ANKS1B: variants seen among roughly 807,000 people sequenced by gnomAD.
ANKS1B encodes ankyrin repeat and sterile alpha motif domain containing 1B, also known as ankyrin repeat and sterile alpha motif domain-containing protein 1B.
Under a neutral mutation model 148.3 loss-of-function variants are expected in ANKS1B, and 36 were observed. The observed-to-expected ratio is 0.24, with a 90% CI of 0.19 to 0.32. The LOEUF is 0.32. ANKS1B is among the 10% of genes least tolerant of loss of function. The pLI is 1.00. For synonymous variants in ANKS1B, 542 were observed against 560.8 expected (o/e 0.97, Z 0.47); for missense variants, 1,157 against 1,542.6 (o/e 0.75, Z 4.19).
At chr12:99,313,559 C>G (rs997104808) in intron 12 of ANKS1B, among the ~76,000 whole-genome samples, 1 of 152,178 alleles carries the variant, frequency 6.6e-6, no homozygotes, top group African/African-American at 2.4e-5. Context: ...CATCAAAAAG[C>G]TTAGCCACCA....
At chr12:99,170,348 T>C (rs2077621692) in intron 14 of ANKS1B, among the ~76,000 whole-genome samples, 1 of 152,150 alleles carries the variant, frequency 6.6e-6, no homozygotes. Context: ...CCTGGCTCTT[T>C]TCCATGATTT....
At chr12:99,203,550 A>G (rs2082310812) in intron 14 of ANKS1B, among the ~76,000 whole-genome samples, 1 of 150,834 alleles carries the variant, frequency 6.6e-6, no homozygotes, top group African/African-American at 2.4e-5. Flanking sequence ...CTCCGGGTGC[A>G]CGCCATTCTC....
At chr12:99,754,693 T>C (rs1232405715) in intron 8 of ANKS1B, among the ~76,000 whole-genome samples, 1 of 152,108 alleles carries the variant, frequency 6.6e-6, no homozygotes, top group Non-Finnish European at 1.5e-5. Context: ...GACTAAGAAA[T>C]TCACTCAAAG....
At chr12:99,358,811 G>A (rs1388096125) in intron 12 of ANKS1B, among the ~76,000 whole-genome samples, 1 of 152,026 alleles carries the variant, frequency 6.6e-6, no homozygotes, top group African/African-American at 2.4e-5. Context: ...AGAACAACAG[G>A]TAAAACTGAC....
At chr12:98,877,395 T>C (rs11109643) in intron 17 of ANKS1B, among the ~76,000 whole-genome samples, 17,698 of 152,272 alleles carry the variant, frequency 0.12, 1,102 homozygotes, top group Middle Eastern at 0.16. Flanking sequence ...AGTTAAAGCT[T>C]ATTTTGAATG....
intron 19 of ANKS1B, among the ~76,000 whole-genome samples, chr12:98,818,421 A>G (rs2099159365): frequency 6.6e-6 from 1 of 152,210 alleles, no homozygotes; most frequent in Non-Finnish European, 1.5e-5. Context: ...TCCCTTTACA[A>G]GAAAAAAATA....
intron 1 of ANKS1B, among the ~76,000 whole-genome samples, chr12:99,942,360 T>C (rs1207936985): frequency 2.0e-5 from 3 of 152,104 alleles, no homozygotes; most frequent in African/African-American, 7.2e-5. Flanking sequence ...ATTAGTGATA[T>C]TTGAGAGAGC....
intron 1 of ANKS1B, among the ~76,000 whole-genome samples, chr12:99,850,409 C>G (rs1448583460): frequency 6.6e-6 from 1 of 151,280 alleles, no homozygotes; most frequent in African/African-American, 2.4e-5. Flanking sequence ...TTTTTATAAA[C>G]TCTTTTCTCT....
chr12:98,855,962 T>C (rs544988269), intron 17 of ANKS1B, among the ~76,000 whole-genome samples: 9 of 152,354 alleles, frequency 5.9e-5, no homozygotes, highest in Middle Eastern at 3.4e-3. Flanking sequence ...CTCAGACCTA[T>C]GCTTTAAAGC....
intron 20 of ANKS1B, among the ~76,000 whole-genome samples, chr12:98,803,551 T>C (rs1470693499): frequency 6.6e-6 from 1 of 152,198 alleles, no homozygotes; most frequent in Non-Finnish European, 1.5e-5. Flanking sequence ...TGTCTGCTGA[T>C]GTGACAACTC....
At chr12:98,759,707 T>C (rs1048207295) in intron 25 of ANKS1B, among the ~76,000 whole-genome samples, 20 of 152,238 alleles carry the variant, frequency 1.3e-4, no homozygotes, top group African/African-American at 4.3e-4. Flanking sequence ...AGAGGACTGA[T>C]TAAGTAGAAT....
At chr12:99,027,770 C>T (rs1051932998) in intron 17 of ANKS1B, among the ~76,000 whole-genome samples, 2 of 152,228 alleles carry the variant, frequency 1.3e-5, no homozygotes, top group Non-Finnish European at 2.9e-5. Flanking sequence ...CTTCTCTGAA[C>T]TGCAGTTTCC....
intron 17 of ANKS1B, among the ~76,000 whole-genome samples, chr12:98,966,822 A>C (rs2099878372): frequency 7.0e-6 from 1 of 142,922 alleles, no homozygotes; most frequent in African/African-American, 2.6e-5. Flanking sequence ...TCTCACTCAC[A>C]GGTGGGAATT....
chr12:99,073,534 A>G (rs2046900523), intron 16 of ANKS1B, among the ~76,000 whole-genome samples: 1 of 152,198 alleles, frequency 6.6e-6, no homozygotes, highest in Non-Finnish European at 1.5e-5. Flanking sequence ...AAATAAGTGA[A>G]TGACCCCGGT....
chr12:99,697,267 A>G (rs2054071980), intron 8 of ANKS1B, among the ~76,000 whole-genome samples: 2 of 152,234 alleles, frequency 1.3e-5, no homozygotes, highest in African/African-American at 4.8e-5. Context: ...ATAAACCCAC[A>G]GAAAAATCTG....
At chr12:99,103,422 T>C (rs1200122870) in intron 15 of ANKS1B, among the ~76,000 whole-genome samples, 2 of 152,220 alleles carry the variant, frequency 1.3e-5, no homozygotes, top group African/African-American at 4.8e-5. Context: ...TATATACTCT[T>C]CTTGGTCTCA....
rs566888796 is a variant in ANKS1B, at chr12:99,403,443, G to A, written c.1576-3632C>T. Among the ~76,000 whole-genome samples the A allele has an allele frequency of 9.1e-5, 13 of 142,560 alleles. No individual in the cohort carries two copies. In the South Asian group the frequency reaches 1.7e-3, roughly 19 times the overall value. The allele number at this position is 142,560 out of a possible 152,430, so 93.5% of individuals were successfully genotyped here. On this transcript the variant is annotated intron_variant, in intron 11 of 26. Coordinates refer to ENST00000683438, the MANE Select transcript of ANKS1B (RefSeq NM_001352186.2). ...AAGTGCTGGGATTACAGGCGTGAAC[G>A]ACCATACCCAGCCCCCAATGCCCAC...
intron 12 of ANKS1B, among the ~76,000 whole-genome samples, chr12:99,355,961 A>T (rs1388771116): frequency 6.6e-6 from 1 of 152,142 alleles, no homozygotes; most frequent in Non-Finnish European, 1.5e-5. Flanking sequence ...ATTAAAATTT[A>T]TAAAATCCAG....
intron 8 of ANKS1B, among the ~76,000 whole-genome samples, chr12:99,717,550 G>GA (rs1222775841): frequency 6.6e-6 from 1 of 152,164 alleles, no homozygotes; most frequent in East Asian, 1.9e-4. Context: ...GGACCCCACT[G>GA]AAAATTGGAC....
Sources: gnomAD v4.1 joint callset for allele counts (sites outside exome capture counted in the v4.1 genomes callset) on GRCh38, gnomAD v4.1.1 for gene constraint, MANE v1.5 for transcripts, NCBI Gene and HGNC (gene_info 2026-07-23, HGNC 2026-07-21) for gene names.